Variants in SGCG observed in about 807,000 individuals in gnomAD.
SGCG encodes sarcoglycan gamma.
Under a neutral mutation model 29.3 loss-of-function variants are expected in SGCG, and 26 were observed. The ratio of observed to expected loss-of-function variants is 0.89; its 90% CI spans 0.65 to 1.23. The LOEUF (loss-of-function observed/expected upper bound fraction) is 1.23. SGCG is among the 50% of genes most tolerant of loss of function. The pLI is 0.00. For synonymous variants in SGCG, 145 were observed against 129.7 expected (o/e 1.12, Z -0.80); for missense variants, 353 against 356.0 (o/e 0.99, Z 0.07).
chr13:23,249,180 T>G (rs1879860857), intron 3 of SGCG, among the ~76,000 whole-genome samples: 1 of 152,160 alleles, frequency 6.6e-6, no homozygotes, highest in Non-Finnish European at 1.5e-5. Context: ...GAATTATTAT[T>G]TAGCATTTAT....
At chr13:23,262,632 T>A (rs1477899016) in intron 4 of SGCG, among the ~76,000 whole-genome samples, 6 of 151,968 alleles carry the variant, frequency 3.9e-5, no homozygotes, top group Non-Finnish European at 8.8e-5. Context: ...AAAACTGGAC[T>A]TAAACTGTAC....
At chr13:23,264,394 G>A (rs569123826) in intron 4 of SGCG, among the ~76,000 whole-genome samples, 1 of 151,372 alleles carries the variant, frequency 6.6e-6, no homozygotes, top group South Asian at 2.1e-4. Flanking sequence ...TCTCTGCAAG[G>A]ATAACTACAA....
intron 2 of SGCG, among the ~76,000 whole-genome samples, chr13:23,230,339 A>C (rs150834238): frequency 1.5e-4 from 23 of 152,320 alleles, no homozygotes; most frequent in African/African-American, 5.5e-4. Context: ...TGGTAGTTTG[A>C]TAGGAATAAC....
At chr13:23,237,470 T>C (rs796197213) in intron 3 of SGCG, among the ~76,000 whole-genome samples, 7 of 152,342 alleles carry the variant, frequency 4.6e-5, no homozygotes, top group African/African-American at 9.6e-5. Flanking sequence ...GGCAAGCCCA[T>C]TGCATAAGAC....
the SGCG span, among the ~76,000 whole-genome samples, chr13:23,165,436 A>C: frequency 8.1e-4 from 124 of 152,352 alleles, no homozygotes; most frequent in Middle Eastern, 3.4e-3. Flanking sequence ...AAAAAAGAAC[A>C]AAACCATGGG....
chr13:23,265,801 A>G (rs1880616657), intron 4 of SGCG, among the ~76,000 whole-genome samples: 1 of 152,180 alleles, frequency 6.6e-6, no homozygotes, highest in South Asian at 2.1e-4. Context: ...TGAAAAAGGA[A>G]TGCTTAGACA....
At chr13:23,182,776 G>A (rs1298480120) in intron 1 of SGCG, among the ~76,000 whole-genome samples, 1 of 152,186 alleles carries the variant, frequency 6.6e-6, no homozygotes, top group East Asian at 1.9e-4. Context: ...GACCACTGAG[G>A]AATGGGGACA....
chr13:23,298,878 T>C (rs1026460017), intron 6 of SGCG, among the ~76,000 whole-genome samples: 42 of 152,176 alleles, frequency 2.8e-4, no homozygotes, highest in African/African-American at 9.4e-4. Context: ...TAAAAGGCGG[T>C]ACTGAGGAAG....
At chr13:23,303,320 C>T (rs1255430011) in intron 6 of SGCG, among the ~76,000 whole-genome samples, 3 of 152,212 alleles carry the variant, frequency 2.0e-5, no homozygotes, top group African/African-American at 7.2e-5. Context: ...GGACTGGATG[C>T]ACCATCTCTG....
intron 1 of SGCG, among the ~76,000 whole-genome samples, chr13:23,181,407 A>G (rs1447654635): frequency 2.0e-5 from 3 of 152,344 alleles, no homozygotes; most frequent in South Asian, 2.1e-4. Context: ...ACAAAGTATT[A>G]TCTTTAAGAT....
intron 2 of SGCG, among the ~76,000 whole-genome samples, chr13:23,229,952 AT>A (rs1215750635): frequency 2.0e-5 from 3 of 151,842 alleles, no homozygotes; most frequent in African/African-American, 2.4e-5. Flanking sequence ...TCTTGAGTTG[AT>A]TTTTTTTATA....
At chr13:23,200,736 A>G (rs1877710858) in intron 1 of SGCG, among the ~76,000 whole-genome samples, 1 of 152,110 alleles carries the variant, frequency 6.6e-6, no homozygotes, top group Non-Finnish European at 1.5e-5. Context: ...CTGAAATAGG[A>G]ATGATCAGGA....
At position 23,324,946 on chromosome 13, in the gene SGCG, TGC is replaced by T. The variant is rs1252856521; in HGVS notation, c.*406_*407del. 1 of 283,430 alleles carries T rather than the reference TGC, an allele frequency of 3.5e-6. No individual in the cohort carries two copies. The highest frequency in any genetic ancestry group is 7.0e-6 in the Non-Finnish European group (1 of 142,636). 17.6% of individuals were successfully genotyped at this position (283,430 alleles called of 1,614,324 possible). A position where few individuals can be genotyped will look rare whatever the true frequency, so the allele number is the denominator to read the frequency against. On this transcript the variant is annotated 3_prime_UTR_variant, in exon 8 of 8. Transcript: ENST00000218867. ...AGAGTAGCCTTGCTCAGTACTAAAA[TGC>T]CCCAAAGTTCTATACAGCATTTCCT...
chr13:23,307,781 C>G (rs1003081174), intron 6 of SGCG, among the ~76,000 whole-genome samples: 2 of 152,088 alleles, frequency 1.3e-5, no homozygotes, highest in South Asian at 2.1e-4. Flanking sequence ...CAAGGCTCAT[C>G]ATTGTCATAA....
At chr13:23,281,059 G>T (rs1281481577) in intron 5 of SGCG, among the ~76,000 whole-genome samples, 1 of 152,160 alleles carries the variant, frequency 6.6e-6, no homozygotes, top group African/African-American at 2.4e-5. Flanking sequence ...TGGGGGCCAG[G>T]CAGAGTGGTT....
At chr13:23,212,606 C>T (rs572205) in intron 2 of SGCG, among the ~76,000 whole-genome samples, 37,233 of 152,106 alleles carry the variant, frequency 0.24, 4,889 homozygotes, top group Middle Eastern at 0.33. Flanking sequence ...AGCACAGATG[C>T]TTAAAAATTA....
intron 6 of SGCG, among the ~76,000 whole-genome samples, chr13:23,297,230 A>ATT (rs376396258): frequency 1.6e-4 from 19 of 117,200 alleles, no homozygotes; most frequent in South Asian, 5.9e-4. Context: ...ACAATCTTTT[A>ATT]TTTTTTTTTT....
At chr13:23,188,383 T>C (rs67708402) in intron 1 of SGCG, among the ~76,000 whole-genome samples, 39,355 of 137,456 alleles carry the variant, frequency 0.29, 6,578 homozygotes, top group Admixed American at 0.41. Flanking sequence ...TGGAGTGCAA[T>C]GGAGCGATCT....
intron 2 of SGCG, among the ~76,000 whole-genome samples, chr13:23,218,898 A>C (rs918018327): frequency 1.3e-5 from 2 of 148,870 alleles, no homozygotes; most frequent in African/African-American, 4.9e-5. Context: ...ATTATGAGCC[A>C]AAATAACAAT....
Sources: allele counts gnomAD v4.1 joint callset (sites outside exome capture counted in the v4.1 genomes callset), GRCh38; gene constraint gnomAD v4.1.1; transcripts MANE v1.5; gene names NCBI Gene and HGNC (gene_info 2026-07-23, HGNC 2026-07-21).